Variants in SUGCT observed in about 807,000 individuals in gnomAD.
SUGCT encodes the protein succinyl-CoA:glutarate-CoA transferase, also known as succinyl-CoA:glutarate CoA-transferase.
In SUGCT, 41 loss-of-function variants were observed where a neutral mutation model predicts 55.0. The ratio of observed to expected loss-of-function variants is 0.74; its 90% CI spans 0.58 to 0.97. The LOEUF (loss-of-function observed/expected upper bound fraction) is 0.97. Ranked by LOEUF, SUGCT falls within the 50% of genes least tolerant of loss-of-function variation. SUGCT has a pLI of 0.00. For missense variants in SUGCT, 568 were observed against 547.8 expected, an observed-to-expected ratio of 1.04 and a Z score of -0.37; for synonymous variants, 187 against 200.4, an observed-to-expected ratio of 0.93 and a Z score of 0.56.
At chr7:40,182,086 T>G in intron 3 of SUGCT, 58 bp downstream of exon 3, 1 of 985,942 alleles carries the variant, frequency 1.0e-6, no homozygotes. Flanking sequence ...TTTAAAATAA[T>G]TCTCTAAATA....
Position 40,843,467 on chromosome 7 carries a change from G to T in SUGCT, c.1154-16849G>T, listed in dbSNP as rs191554406. Among the ~76,000 whole-genome samples, 312 of 141,458 alleles carry T rather than the reference G, an allele frequency of 2.2e-3. 1 individual carries two copies. The highest frequency in any genetic ancestry group is 0.013 in the Middle Eastern group (3 of 230). 92.8% of individuals were successfully genotyped at this position (141,458 alleles called of 152,430 possible). A position where few individuals can be genotyped will look rare whatever the true frequency, so the allele number is the denominator to read the frequency against. On this transcript the variant is annotated intron_variant, in intron 13 of 13. Transcript: ENST00000335693. ...AGAGGTTGCAATGAGCTGAGATCAC[G>T]CCACTGCACTCCAGCCTAGCAACAG...
chr7:40,699,108 G>T (rs1454649465), intron 12 of SUGCT, among the ~76,000 whole-genome samples: 1 of 152,100 alleles, frequency 6.6e-6, no homozygotes, highest in Non-Finnish European at 1.5e-5. Context: ...CCTGGTTTTC[G>T]ATTTCATATG....
At chr7:40,537,523 AT>A (rs1459296079) in intron 12 of SUGCT, among the ~76,000 whole-genome samples, 1 of 152,208 alleles carries the variant, frequency 6.6e-6, no homozygotes, top group Non-Finnish European at 1.5e-5. Context: ...GAATAAAAAA[AT>A]GTACATTAGA....
At chr7:40,777,346 A>G (rs1326815256) in intron 13 of SUGCT, among the ~76,000 whole-genome samples, 1 of 152,022 alleles carries the variant, frequency 6.6e-6, no homozygotes, top group Non-Finnish European at 1.5e-5. Context: ...GGGCATCGGG[A>G]TCAACTAGTG....
intron 12 of SUGCT, among the ~76,000 whole-genome samples, chr7:40,548,955 G>A (rs1027031841): frequency 2.0e-5 from 3 of 152,088 alleles, no homozygotes; most frequent in Non-Finnish European, 4.4e-5. Flanking sequence ...ATTGACTTGA[G>A]TGTATTGCCT....
chr7:40,947,413 C>A, the SUGCT span, among the ~76,000 whole-genome samples: 2 of 151,050 alleles, frequency 1.3e-5, no homozygotes, highest in Admixed American at 6.6e-5. Flanking sequence ...GATTTAAAGT[C>A]TTTTTATAGT....
chr7:40,297,047 T>G (rs2151069068), intron 8 of SUGCT, among the ~76,000 whole-genome samples: 1 of 152,350 alleles, frequency 6.6e-6, no homozygotes, highest in East Asian at 1.9e-4. Context: ...TTTTGTTAAG[T>G]TCTTATGGCA....
intron 12 of SUGCT, among the ~76,000 whole-genome samples, chr7:40,542,335 C>T (rs1000354219): frequency 6.6e-6 from 1 of 152,136 alleles, no homozygotes; most frequent in Non-Finnish European, 1.5e-5. Context: ...TCCTGCAAAT[C>T]CTAGAGTCAT....
At chr7:40,458,584 T>A (rs999448279) in intron 10 of SUGCT, among the ~76,000 whole-genome samples, 3 of 152,218 alleles carry the variant, frequency 2.0e-5, no homozygotes, top group Non-Finnish European at 4.4e-5. Flanking sequence ...TAGCAGCTTT[T>A]AGAACATTCT....
intron 6 of SUGCT, among the ~76,000 whole-genome samples, chr7:40,223,212 C>T (rs1788144437): frequency 6.6e-6 from 1 of 151,932 alleles, no homozygotes; most frequent in Admixed American, 6.6e-5. Context: ...AGGTGCCCAC[C>T]ACCATGCCTG....
intron 13 of SUGCT, among the ~76,000 whole-genome samples, chr7:40,769,653 GA>G (rs1408338273): frequency 6.6e-6 from 1 of 152,154 alleles, no homozygotes; most frequent in Non-Finnish European, 1.5e-5. Context: ...CTTCCAAAAG[GA>G]CTGTAGTTCT....
chr7:40,514,242 A>G (rs1224009619), intron 12 of SUGCT, among the ~76,000 whole-genome samples: 1 of 152,056 alleles, frequency 6.6e-6, no homozygotes, highest in East Asian at 1.9e-4. Context: ...GTCCTGATGT[A>G]GAGTCACCAC....
intron 9 of SUGCT, among the ~76,000 whole-genome samples, chr7:40,387,381 G>A (rs980183161): frequency 3.3e-5 from 5 of 152,124 alleles, no homozygotes; most frequent in African/African-American, 1.2e-4. Context: ...TGACACAAAG[G>A]CAGGAAATCT....
chr7:40,384,660 T>C lies in SUGCT; in HGVS notation c.817-64627T>C, dbSNP rs144771530. ...CTGCCTTCAAGCAATTCTCCTGCCT[T>C]AGCCTCCCAAGCAGCTGGGATTACA... On this transcript the variant is annotated intron_variant, in intron 9 of 13. Coordinates refer to ENST00000335693, the MANE Select transcript of SUGCT (RefSeq NM_001193313.2). Among the ~76,000 whole-genome samples, 147 of 152,048 alleles carry C rather than the reference T, an allele frequency of 9.7e-4. 1 individual carries two copies. Among genetic ancestry groups the C allele is most frequent in the African/African-American group, 3.3e-3 (137 of 41,486 alleles).
chr7:40,931,752 T>G, the SUGCT span, among the ~76,000 whole-genome samples: 20 of 152,218 alleles, frequency 1.3e-4, no homozygotes, highest in Non-Finnish European at 2.5e-4. Context: ...TGTATTTCTG[T>G]GGGATCAGTG....
At chr7:40,500,001 A>G (rs1424752154) in intron 12 of SUGCT, among the ~76,000 whole-genome samples, 1 of 152,180 alleles carries the variant, frequency 6.6e-6, no homozygotes, top group East Asian at 1.9e-4. Flanking sequence ...AATTCCTGCA[A>G]ACATAGGTAT....
intron 6 of SUGCT, among the ~76,000 whole-genome samples, chr7:40,227,814 C>T (rs930326830): frequency 4.0e-5 from 6 of 151,496 alleles, no homozygotes; most frequent in Admixed American, 3.3e-4. Context: ...ATGCCATTAT[C>T]ACACATAAGT....
chr7:40,653,733 T>G (rs189274527), intron 12 of SUGCT, among the ~76,000 whole-genome samples: 143 of 152,322 alleles, frequency 9.4e-4, no homozygotes, highest in African/African-American at 3.3e-3. Flanking sequence ...GACCTTTGGG[T>G]GTCTTATTTT....
chr7:40,344,201 G>A (rs1039437515), intron 9 of SUGCT, among the ~76,000 whole-genome samples: 10 of 152,272 alleles, frequency 6.6e-5, no homozygotes, highest in African/African-American at 2.4e-4. Context: ...TTCATAGAAC[G>A]ATGCCTTAGT....
Sources: allele counts gnomAD v4.1 joint callset (sites outside exome capture counted in the v4.1 genomes callset), GRCh38; gene constraint gnomAD v4.1.1; transcripts MANE v1.5; gene names NCBI Gene and HGNC (gene_info 2026-07-23, HGNC 2026-07-21).